PVT1: variants seen among roughly 807,000 people sequenced by gnomAD.
PVT1 encodes CXCR4/PVT1 fusion.
intron 3 of PVT1, among the ~76,000 whole-genome samples, chr8:127,927,321 G>C (rs538501831): frequency 4.6e-5 from 7 of 152,340 alleles, no homozygotes; most frequent in Admixed American, 2.0e-4. Context: ...CCCTCACCAC[G>C]CAGGGGCTCA....
chr8:127,837,692 GAGA>G (rs941443000), intron 2 of PVT1, among the ~76,000 whole-genome samples: 2 of 152,080 alleles, frequency 1.3e-5, no homozygotes, highest in Admixed American at 1.3e-4. Flanking sequence ...CTATGAAGCA[GAGA>G]AGATGAGTAT....
At chr8:127,806,358 G>T (rs111380974) in intron 2 of PVT1, among the ~76,000 whole-genome samples, 2 of 152,100 alleles carry the variant, frequency 1.3e-5, no homozygotes, top group African/African-American at 4.8e-5. Context: ...CTACTTGGGA[G>T]GCTGAGGCAG....
chr8:127,923,120 G>A (rs540216469), intron 3 of PVT1, among the ~76,000 whole-genome samples: 1 of 152,336 alleles, frequency 6.6e-6, no homozygotes, highest in East Asian at 1.9e-4. Flanking sequence ...GACCAGTGAG[G>A]AGGGCTGGGA....
At chr8:128,069,796 C>T (rs951403688) in intron 4 of PVT1, among the ~76,000 whole-genome samples, 28 of 152,190 alleles carry the variant, frequency 1.8e-4, no homozygotes, top group African/African-American at 6.8e-4. Flanking sequence ...GCAGCATTCA[C>T]GCCTGGGTTC....
At chr8:127,988,987 A>G (rs896116806) in intron 3 of PVT1, among the ~76,000 whole-genome samples, 1 of 152,222 alleles carries the variant, frequency 6.6e-6, no homozygotes, top group African/African-American at 2.4e-5. Flanking sequence ...TAAAATGCCT[A>G]ACACAGTGCT....
chr8:127,811,422 G>A (rs1398229415), intron 2 of PVT1, among the ~76,000 whole-genome samples: 1 of 152,148 alleles, frequency 6.6e-6, no homozygotes, highest in South Asian at 2.1e-4. Flanking sequence ...GCTCCCTCAG[G>A]CATTTCATGT....
rs187348388 is a variant in PVT1 at position 127,853,587 on chromosome 8, C to T, written n.373-37002C>T. ...CCTGAGGTCAGGAGTTCGAGACCAA[C>T]CTGGGCAACATGGTGAAACCCTGTC... On this transcript the variant is annotated intron_variant and non_coding_transcript_variant, in intron 2 of 10. Coordinates refer to ENST00000651587, the Ensembl canonical transcript of PVT1. 2.0e-3 allele frequency among the ~76,000 whole-genome samples: 302 copies of T among 152,134 alleles called. 4 individuals are homozygous for T. The highest frequency in any genetic ancestry group is 0.011 in the Admixed American group (163 of 15,278).
At chr8:127,938,936 C>T (rs1816311076) in intron 3 of PVT1, among the ~76,000 whole-genome samples, 1 of 152,220 alleles carries the variant, frequency 6.6e-6, no homozygotes, top group Non-Finnish European at 1.5e-5. Flanking sequence ...ATGCCCATTT[C>T]ATAGATGAGG....
At chr8:128,047,506 G>A (rs1813631851) in intron 4 of PVT1, among the ~76,000 whole-genome samples, 1 of 152,232 alleles carries the variant, frequency 6.6e-6, no homozygotes, top group Non-Finnish European at 1.5e-5. Flanking sequence ...GGGCGCGTGG[G>A]AGCCATTATC....
chr8:128,076,008 A>T (rs1814084699), intron 5 of PVT1, among the ~76,000 whole-genome samples: 1 of 152,180 alleles, frequency 6.6e-6, no homozygotes, highest in Non-Finnish European at 1.5e-5. Context: ...TAAAATTCGA[A>T]GTGTTGTCAG....
At chr8:127,944,605 A>G (rs1003803576) in intron 3 of PVT1, among the ~76,000 whole-genome samples, 9 of 150,578 alleles carry the variant, frequency 6.0e-5, no homozygotes, top group Admixed American at 4.6e-4. Flanking sequence ...ACGATCAGGC[A>G]TTCAGGGGAA....
chr8:128,011,666 C>A (rs773562145), intron 4 of PVT1, among the ~76,000 whole-genome samples: 1 of 152,120 alleles, frequency 6.6e-6, no homozygotes, highest in Non-Finnish European at 1.5e-5. Context: ...GAAACTAGGG[C>A]CGTCTTAGCT....
chr8:127,893,666 T>G (rs1442441663), intron 3 of PVT1, among the ~76,000 whole-genome samples: 1 of 152,220 alleles, frequency 6.6e-6, no homozygotes, highest in Non-Finnish European at 1.5e-5. Context: ...TGCCTGGAGC[T>G]GAGAGATGCA....
At chr8:127,954,501 G>T (rs1816545925) in intron 3 of PVT1, among the ~76,000 whole-genome samples, 1 of 152,024 alleles carries the variant, frequency 6.6e-6, no homozygotes, top group Non-Finnish European at 1.5e-5. Context: ...CACTATGTTG[G>T]CCAGGATGGT....
chr8:127,871,593 G>T (rs184508615), intron 2 of PVT1, among the ~76,000 whole-genome samples: 2 of 152,096 alleles, frequency 1.3e-5, no homozygotes, highest in Admixed American at 1.3e-4. Flanking sequence ...AGGGCATGAC[G>T]TCAACTGTGA....
intron 5 of PVT1, among the ~76,000 whole-genome samples, chr8:128,092,093 C>G (rs184718548): frequency 1.3e-5 from 2 of 152,154 alleles, no homozygotes; most frequent in Non-Finnish European, 2.9e-5. Context: ...TCCCACCTGG[C>G]GGGCCCAGCT....
chr8:127,901,748 GTT>G (rs60036236), intron 3 of PVT1, among the ~76,000 whole-genome samples: 153 of 144,674 alleles, frequency 1.1e-3, no homozygotes, highest in African/African-American at 2.8e-3. Context: ...TTTGAGAAGA[GTT>G]TTTTTTTTTT....
chr8:127,927,163 T>A (rs182014938), intron 3 of PVT1, among the ~76,000 whole-genome samples: 1 of 152,198 alleles, frequency 6.6e-6, no homozygotes, highest in Non-Finnish European at 1.5e-5. Context: ...GGGAACTTCT[T>A]CTATGAAAAT....
intron 2 of PVT1, among the ~76,000 whole-genome samples, chr8:127,837,946 G>A (rs533299050): frequency 1.3e-5 from 2 of 150,888 alleles, no homozygotes; most frequent in East Asian, 2.0e-4. Flanking sequence ...TGCCCAGGCC[G>A]GAGTGCAGTG....
Sources: gnomAD v4.1 joint callset for allele counts (sites outside exome capture counted in the v4.1 genomes callset) on GRCh38, gnomAD v4.1.1 for gene constraint, MANE v1.5 for transcripts, NCBI Gene and HGNC (gene_info 2026-07-23, HGNC 2026-07-21) for gene names.